The following USP42 variants were observed in gnomAD, a reference collection of about 807,000 sequenced individuals.
USP42 encodes ubiquitin carboxyl-terminal hydrolase 42.
In USP42, 23 loss-of-function variants were observed where a neutral mutation model predicts 113.0. That is an observed-to-expected ratio of 0.20 (90% CI 0.15 to 0.29). The LOEUF (loss-of-function observed/expected upper bound fraction) is 0.29, where lower values mean the gene tolerates loss of function less well. Among genes scored for constraint, USP42 ranks in the 10% least tolerant of loss-of-function variants. USP42 has a pLI of 1.00. For synonymous variants in USP42, 933 were observed against 699.0 expected, an observed-to-expected ratio of 1.33 and a Z score of -5.28; for missense variants, 2,174 against 1,779.8, an observed-to-expected ratio of 1.22 and a Z score of -3.99.
At chr7:6,160,019 C>T (rs901337796) in intron 17 of USP42, among the ~76,000 whole-genome samples, 13 of 152,202 alleles carry the variant, frequency 8.5e-5, no homozygotes, top group Non-Finnish European at 1.3e-4. Context: ...ATCAGGACCT[C>T]GGAGCTGTGG....
intron 14 of USP42, among the ~76,000 whole-genome samples, chr7:6,152,149 C>T (rs904470695): frequency 1.3e-5 from 2 of 152,242 alleles, no homozygotes; most frequent in South Asian, 2.1e-4. Flanking sequence ...AGCAGCAGGA[C>T]GGCCCCGTGG....
At chr7:6,098,094 C>T in the USP42 span, among the ~76,000 whole-genome samples, 155 of 144,854 alleles carry the variant, frequency 1.1e-3, 1 homozygote, top group East Asian at 0.02. Flanking sequence ...TTAGTAGAGA[C>T]GGGTTTCACC....
At chr7:6,094,836 G>C in the USP42 span, among the ~76,000 whole-genome samples, 1 of 148,788 alleles carries the variant, frequency 6.7e-6, no homozygotes, top group Non-Finnish European at 1.5e-5. Context: ...CACCCAGGCT[G>C]GAGTACAGTG....
intron 11 of USP42, 112 bp from the exon 12 acceptor site, chr7:6,147,627 A>T: frequency 7.8e-7 from 1 of 1,277,756 alleles, no homozygotes; most frequent in Non-Finnish European, 1.1e-6. Flanking sequence ...TAAACATGCT[A>T]TTTTTTTCAT....
chr7:6,117,150 A>G (rs895406491), intron 3 of USP42, among the ~76,000 whole-genome samples: 1 of 152,144 alleles, frequency 6.6e-6, no homozygotes, highest in Non-Finnish European at 1.5e-5. Context: ...GAACATGTTC[A>G]TCACCCTCAA....
upstream of USP42, among the ~76,000 whole-genome samples, chr7:6,101,492 G>A (rs1008017246): frequency 1.3e-5 from 2 of 151,264 alleles, no homozygotes; most frequent in Non-Finnish European, 2.9e-5. Context: ...TCTCCAGGCA[G>A]CATTCACTCT....
the USP42 span, among the ~76,000 whole-genome samples, chr7:6,090,060 G>T: frequency 6.7e-6 from 1 of 148,208 alleles, no homozygotes; most frequent in African/African-American, 2.5e-5. Context: ...AGCACTTTGG[G>T]AGGTCAAGGT....
chr7:6,089,211 ATTT>A, the USP42 span, among the ~76,000 whole-genome samples: 1 of 138,084 alleles, frequency 7.2e-6, no homozygotes. Flanking sequence ...CGCCTGGCTA[ATTT>A]TTTTTTTTTT....
In USP42 at chr7:6,147,851, C is replaced by T. The variant is rs1781812076; in HGVS notation, c.1345C>T (p.Pro449Ser). ...QRVVTNKQAAPGFIGPQLPSH... is the reference protein window; with the variant it reads ...QRVVTNKQAASGFIGPQLPSH... ...GGTTGTCACCAACAAACAGGCTGCG[C>T]CAGGCTTTATCGGACCACAGCTTCC... Residue 449 changes from proline (P) to serine (S), a missense_variant, in exon 12 of 18, where the codon CCA becomes TCA. Transcript: ENST00000306177. The T allele has an allele frequency of 5.6e-6, 9 of 1,612,942 alleles. No homozygotes were observed. Among genetic ancestry groups the T allele is most frequent in the Non-Finnish European group, 7.6e-6 (9 of 1,179,436 alleles).
At chr7:6,081,378 G>C in the USP42 span, 1 of 152,140 alleles carries the variant, frequency 6.6e-6, no homozygotes, top group African/African-American at 2.4e-5. Context: ...GAGGTAGATG[G>C]CGGGCGGCGC....
At chr7:6,156,394 G>A (rs546730084) in intron 15 of USP42, among the ~76,000 whole-genome samples, 23 of 152,180 alleles carry the variant, frequency 1.5e-4, no homozygotes, top group Non-Finnish European at 2.2e-4. Context: ...TGTTCAGGAT[G>A]GAGCTAAAGT....
chr7:6,104,216 G>A (rs571657479), upstream of USP42, among the ~76,000 whole-genome samples: 79 of 151,428 alleles, frequency 5.2e-4, 6 homozygotes, highest in African/African-American at 1.9e-3. Context: ...CCGAGTAGCT[G>A]GGACTACAGG....
In USP42 at chr7:6,158,181, T is replaced by A. The variant is rs1188195062; in HGVS notation, c.3943+1126T>A. 6.6e-6 allele frequency among the ~76,000 whole-genome samples: 1 copy of A among 152,256 alleles called. No individual in the cohort carries two copies. The highest frequency in any genetic ancestry group is 1.9e-4 in the East Asian group (1 of 5,192). ...AAATTCAGACCTCAGTGTCTGTGGC[T>A]TGATTGGGGCGCAGCCAGGTGCGTT... On this transcript the variant is annotated intron_variant, in intron 16 of 17. Coordinates refer to ENST00000306177, the MANE Select transcript of USP42 (RefSeq NM_032172.3). The surrounding 1 kb of genome is among the most constrained non-coding windows in gnomAD (Gnocchi z 4.2).
chr7:6,085,617 TATA>T, the USP42 span, among the ~76,000 whole-genome samples: 9 of 136,542 alleles, frequency 6.6e-5, no homozygotes, highest in African/African-American at 2.4e-4. Context: ...TATATATATA[TATA>T]TATATTTTTT....
chr7:6,149,477 G>GAA (rs60551222), intron 12 of USP42, 106 bp from the exon 13 acceptor site: 4,102 of 1,142,764 alleles, frequency 3.6e-3, no homozygotes, highest in East Asian at 0.014. Context: ...TGTTAGTCCT[G>GAA]AAAAAAAAAA....
At chr7:6,115,301 T>C in intron 2 of USP42, 22 bp from the exon 3 acceptor site, 1 of 1,612,074 alleles carries the variant, frequency 6.2e-7, no homozygotes, top group Non-Finnish European at 8.5e-7. Context: ...GGTTTCTGAC[T>C]CTTTCTTGTT....
chr7:6,104,072 GTTTCT>G (rs753533046), upstream of USP42, among the ~76,000 whole-genome samples: 11 of 151,434 alleles, frequency 7.3e-5, no homozygotes, highest in South Asian at 4.2e-4. Context: ...TACAGACCCT[GTTTCT>G]TTTCTTTTCT....
At chr7:6,127,749 T>G (rs780036808) in intron 3 of USP42, among the ~76,000 whole-genome samples, 3 of 152,208 alleles carry the variant, frequency 2.0e-5, no homozygotes, top group Non-Finnish European at 4.4e-5. Context: ...CTATTCTAGT[T>G]ACATTGCTTT....
At chr7:6,094,489 A>T in the USP42 span, among the ~76,000 whole-genome samples, 1 of 150,840 alleles carries the variant, frequency 6.6e-6, no homozygotes, top group African/African-American at 2.5e-5. Flanking sequence ...TCTAAACACA[A>T]CTCCATTCTG....
Sources: allele counts gnomAD v4.1 joint callset (sites outside exome capture counted in the v4.1 genomes callset), GRCh38; gene constraint gnomAD v4.1.1; non-coding constraint Gnocchi (gnomAD v3.1); transcripts MANE v1.5; gene names NCBI Gene and HGNC (gene_info 2026-07-23, HGNC 2026-07-21).